Variants in NCAPG2 observed in about 807,000 individuals in gnomAD.
The protein encoded by NCAPG2 is condensin-2 complex subunit G2.
In NCAPG2, 53 loss-of-function variants were observed where a neutral mutation model predicts 141.1. The ratio of observed to expected loss-of-function variants is 0.38; its 90% CI spans 0.30 to 0.47. The LOEUF (loss-of-function observed/expected upper bound fraction) is 0.47, where lower values mean the gene tolerates loss of function less well. Among genes scored for constraint, NCAPG2 ranks in the 20% least tolerant of loss-of-function variants. The probability of loss-of-function intolerance (pLI) is 0.99; values close to 1 mark genes in which losing one functional copy is unlikely to be tolerated. For missense variants in NCAPG2, 1,087 were observed against 1,389.0 expected, an observed-to-expected ratio of 0.78 and a Z score of 3.46; for synonymous variants, 499 against 490.7, an observed-to-expected ratio of 1.02 and a Z score of -0.22.
At chr7:158,635,103 T>C (rs4909243) in intron 27 of NCAPG2, among the ~76,000 whole-genome samples, 88,532 of 151,960 alleles carry the variant, frequency 0.58, 26,080 homozygotes, top group Non-Finnish European at 0.6. Flanking sequence ...AATCAATTTT[T>C]TGAGAAAAAC....
chr7:158,665,018 C>A (rs909501740), intron 13 of NCAPG2: 2 of 355,686 alleles, frequency 5.6e-6, no homozygotes, highest in Non-Finnish European at 5.1e-6. Flanking sequence ...CCATGATTAA[C>A]ATACAGTAAA....
rs1235924045 is a variant in NCAPG2 at position 158,648,566 on chromosome 7, GCCAAAT to G, written c.3076-2009_3076-2004del. ...ACCACGGCAAATGGACGACAACCAC[GCCAAAT>G]GGACGACAACCACGCCAAATGGACG... On this transcript the variant is annotated intron_variant, in intron 24 of 27. Coordinates refer to ENST00000356309, the MANE Select transcript of NCAPG2 (RefSeq NM_017760.7). Among the ~76,000 whole-genome samples, 987 of 130,044 alleles carry G rather than the reference GCCAAAT, an allele frequency of 7.6e-3. 116 individuals are homozygous for G. Among genetic ancestry groups the G allele is most frequent in the African/African-American group, 0.027 (907 of 34,058 alleles). 85.3% of individuals were successfully genotyped at this position (130,044 alleles called of 152,430 possible).
chr7:158,658,482 T>C, intron 16 of NCAPG2, 74 bp from the exon 17 acceptor site: 1 of 1,335,408 alleles, frequency 7.5e-7, no homozygotes, highest in South Asian at 1.6e-5. Context: ...TCTACGTAAA[T>C]TCCTGATAAC....
Position 158,648,341 on chromosome 7 carries a change from A to G in NCAPG2, c.3076-1778T>C, listed in dbSNP as rs186374216. 2.3e-4 allele frequency among the ~76,000 whole-genome samples: 35 copies of G among 152,316 alleles called. No homozygotes were observed. The East Asian group carries it at 6.2e-3, about 27-fold the overall frequency. On this transcript the variant is annotated intron_variant, in intron 24 of 27. Transcript: ENST00000356309. Reference sequence around the variant, plus strand: ...TTACACAAAAGATAATATAAAGTCAACAGAGATAAAATGGCGTAGTAAAAA... The same window carrying G: ...TTACACAAAAGATAATATAAAGTCAGCAGAGATAAAATGGCGTAGTAAAAA...
intron 15 of NCAPG2, among the ~76,000 whole-genome samples, chr7:158,663,728 A>T (rs1832709543): frequency 6.6e-6 from 1 of 152,158 alleles, no homozygotes. Context: ...CAAGCACAGG[A>T]GTTTAGAAGC....
In NCAPG2 at chr7:158,633,830, A is replaced by G. The variant is rs926356465; in HGVS notation, c.3381-2113T>C. ...CAGCAGTGAGGTCACAGCTCACTGC[A>G]GCCTTGACCTCTCGGGCTCAAGCAA... On this transcript the variant is annotated intron_variant, in intron 27 of 27. Transcript: ENST00000356309. This position sits in a 1 kb window ranked among gnomAD's most constrained non-coding sequence, Gnocchi z 4.1. Among the ~76,000 whole-genome samples, 1 of 152,056 alleles carries G rather than the reference A, an allele frequency of 6.6e-6. No homozygotes were observed. Among genetic ancestry groups the G allele is most frequent in the Non-Finnish European group, 1.5e-5 (1 of 67,980 alleles).
chr7:158,664,299 G>A lies in NCAPG2; in HGVS notation c.1703-3C>T. The A allele has an allele frequency of 6.2e-7, 1 of 1,606,060 alleles. No homozygotes were observed. Among genetic ancestry groups the A allele is most frequent in the Non-Finnish European group, 8.5e-7 (1 of 1,172,704 alleles). ...ACGAATAACGTGAATCAGCTTTGCT[G>A]AAATGTTTAGGATAAACAAGAATTA... On this transcript the variant is annotated splice_polypyrimidine_tract_variant and splice_region_variant and intron_variant, in intron 14 of 27. Transcript: ENST00000356309.
At chr7:158,701,121 T>A (rs930974916) in intron 2 of NCAPG2, among the ~76,000 whole-genome samples, 2 of 152,226 alleles carry the variant, frequency 1.3e-5, no homozygotes, top group East Asian at 3.8e-4. Context: ...GCTTGCTGAA[T>A]GGTACTACAC....
chr7:158,680,843 G>A, intron 9 of NCAPG2, 27 bp from the exon 10 acceptor site: 1 of 1,484,128 alleles, frequency 6.7e-7, no homozygotes, highest in Non-Finnish European at 9.2e-7. Flanking sequence ...GGAAAAGGAA[G>A]GCATTAACAA....
At chr7:158,693,905 C>A (rs573954440) in intron 2 of NCAPG2, among the ~76,000 whole-genome samples, 2 of 152,202 alleles carry the variant, frequency 1.3e-5, no homozygotes, top group Admixed American at 6.5e-5. Context: ...CACCAGCCAA[C>A]AAGATGATTT....
chr7:158,656,647 A>T lies in NCAPG2; in HGVS notation c.2119T>A (p.Cys707Ser). The T allele has an allele frequency of 1.2e-6, 2 of 1,614,178 alleles. No homozygotes were observed. Among genetic ancestry groups the T allele is most frequent in the Non-Finnish European group, 1.7e-6 (2 of 1,180,032 alleles). ...GAGCAGAGGCAATCCAACAAAGTGC[A>T]GTAGCTCTTGTCCACAGCGCCCTCC... ...REEGAVDKSY[C>S]TLLDCLCSWG... Residue 707 changes from cysteine (C) to serine (S), a missense_variant, in exon 18 of 28, where the codon TGC becomes AGC. Physicochemically the swap from Cys to Ser is moderately radical, Grantham distance 112. Coordinates refer to ENST00000356309, the MANE Select transcript of NCAPG2 (RefSeq NM_017760.7).
At chr7:158,680,568 T>TTAG (rs1401716414) in intron 10 of NCAPG2, among the ~76,000 whole-genome samples, 153 bp downstream of exon 10, 2 of 152,164 alleles carry the variant, frequency 1.3e-5, no homozygotes, top group Non-Finnish European at 2.9e-5. Flanking sequence ...ATGCTTTTAA[T>TTAG]AAAAGAAAAA....
chr7:158,697,206 A>C (rs1835500812), intron 2 of NCAPG2, among the ~76,000 whole-genome samples: 1 of 152,230 alleles, frequency 6.6e-6, no homozygotes, highest in East Asian at 1.9e-4. Flanking sequence ...CACTGGGACA[A>C]GATGTTAAGG....
chr7:158,700,846 T>G (rs1835733775), intron 2 of NCAPG2, among the ~76,000 whole-genome samples: 1 of 152,240 alleles, frequency 6.6e-6, no homozygotes, highest in Non-Finnish European at 1.5e-5. Context: ...CTTTCGTATT[T>G]CAGAGTCAGT....
chr7:158,701,112 C>T (rs568829014), intron 2 of NCAPG2, among the ~76,000 whole-genome samples: 1 of 152,308 alleles, frequency 6.6e-6, no homozygotes, highest in South Asian at 2.1e-4. Flanking sequence ...CGTTCATGAG[C>T]TTGCTGAATG....
At chr7:158,692,791 G>A (rs749658725) in intron 4 of NCAPG2, 51 bp downstream of exon 4, 11 of 1,038,904 alleles carry the variant, frequency 1.1e-5, no homozygotes, top group Non-Finnish European at 1.6e-5. Context: ...ACAAAAACAA[G>A]TATTTCAACA....
At chr7:158,649,843 G>A (rs1193896701) in intron 24 of NCAPG2, among the ~76,000 whole-genome samples, 1 of 151,938 alleles carries the variant, frequency 6.6e-6, no homozygotes, top group African/African-American at 2.4e-5. Context: ...TTTCTTAAGA[G>A]GTAAAGAGGA....
At chr7:158,642,640 T>C (rs535383350) in intron 27 of NCAPG2, among the ~76,000 whole-genome samples, 6 of 152,200 alleles carry the variant, frequency 3.9e-5, no homozygotes, top group South Asian at 2.1e-4. Context: ...GGAAAATTTA[T>C]AGCATTGAAA....
At chr7:158,639,468 T>C (rs1587055932) in intron 27 of NCAPG2, among the ~76,000 whole-genome samples, 1 of 152,200 alleles carries the variant, frequency 6.6e-6, no homozygotes, top group East Asian at 1.9e-4. Context: ...TTCTTTTCCA[T>C]ATGTATATCT....
Sources: allele counts gnomAD v4.1 joint callset (sites outside exome capture counted in the v4.1 genomes callset), GRCh38; gene constraint gnomAD v4.1.1; non-coding constraint Gnocchi (gnomAD v3.1); transcripts MANE v1.5; gene names NCBI Gene and HGNC (gene_info 2026-07-23, HGNC 2026-07-21).